Variants in CNOT10 observed in about 807,000 individuals in gnomAD.
CNOT10 encodes the protein CCR4-NOT transcription complex, subunit 10.
In CNOT10, 30 loss-of-function variants were observed where a neutral mutation model predicts 94.6. That is an observed-to-expected ratio of 0.32 (90% CI 0.24 to 0.43). The LOEUF (loss-of-function observed/expected upper bound fraction) is 0.43. Ranked by LOEUF, CNOT10 falls within the 20% of genes least tolerant of loss-of-function variation. The probability of loss-of-function intolerance (pLI) is 1.00; values close to 1 mark genes in which losing one functional copy is unlikely to be tolerated. For missense variants in CNOT10, 759 were observed against 877.2 expected (o/e 0.87, Z 1.70); for synonymous variants, 289 against 301.6 (o/e 0.96, Z 0.43).
intron 13 of CNOT10, among the ~76,000 whole-genome samples, chr3:32,737,994 G>A (rs543261604): frequency 9.2e-5 from 14 of 152,184 alleles, no homozygotes; most frequent in South Asian, 6.2e-4. Context: ...TTCTATATCC[G>A]TGAGGAAGAT....
chr3:32,695,509 A>C (rs1697007036), intron 1 of CNOT10: 1 of 1,424,396 alleles, frequency 7.0e-7, no homozygotes, highest in African/African-American at 1.4e-5. Flanking sequence ...TTGAATGATT[A>C]ACATTCTGTA....
rs1698278671 is a variant in CNOT10, at chr3:32,719,557, T to G, written c.745-557T>G. The stretch of plus-strand genomic sequence containing the variant: ...CCACCAGGAGGATTCTTAGGAGAAG[T>G]GAAAGGTGATCTACCATTCAAAACG... On this transcript the variant is annotated intron_variant, in intron 7 of 18. Coordinates refer to ENST00000328834, the MANE Select transcript of CNOT10 (RefSeq NM_015442.3). 3.9e-5 allele frequency among the ~76,000 whole-genome samples: 6 copies of G among 152,184 alleles called. No individual in the cohort carries two copies. The South Asian group carries it at 1.2e-3, about 32-fold the overall frequency.
Position 32,764,976 on chromosome 3 carries a change from T to G in CNOT10, c.2004+167T>G. ...TGCAAGGTAAACAACTAATCAGCAT[T>G]GTAAATGAACCTAGACACTTAAAGG... On this transcript the variant is annotated intron_variant, in intron 17 of 18. Transcript: ENST00000328834. 5.9e-6 allele frequency: 9 copies of G among 1,518,852 alleles called. No individual in the cohort carries two copies. In the South Asian group the frequency reaches 1.1e-4, roughly 19 times the overall value. 94.1% of individuals were successfully genotyped at this position (1,518,852 alleles called of 1,614,324 possible).
chr3:32,721,726 A>C (rs1698423171), intron 8 of CNOT10, among the ~76,000 whole-genome samples: 1 of 148,836 alleles, frequency 6.7e-6, no homozygotes, highest in African/African-American at 2.5e-5. Context: ...GGCTCACTGC[A>C]AGCTCTGCCT....
chr3:32,709,901 C>A (rs1697801954), intron 4 of CNOT10, among the ~76,000 whole-genome samples: 1 of 152,032 alleles, frequency 6.6e-6, no homozygotes, highest in Non-Finnish European at 1.5e-5. Flanking sequence ...AATCCCAGCA[C>A]TTTGGGAGGT....
intron 9 of CNOT10, among the ~76,000 whole-genome samples, chr3:32,726,985 TAC>T (rs1382682629): frequency 6.6e-6 from 1 of 151,660 alleles, no homozygotes; most frequent in Non-Finnish European, 1.5e-5. Flanking sequence ...TAGCTGGGAC[TAC>T]AGGCACATGC....
intron 13 of CNOT10, among the ~76,000 whole-genome samples, chr3:32,757,560 G>C (rs1346208667): frequency 6.6e-6 from 1 of 152,112 alleles, no homozygotes; most frequent in Non-Finnish European, 1.5e-5. Context: ...CTGATATGTT[G>C]TAGTTACTCA....
chr3:32,715,057 A>G (rs1698058578), intron 5 of CNOT10, among the ~76,000 whole-genome samples: 2 of 152,314 alleles, frequency 1.3e-5, no homozygotes, highest in East Asian at 1.9e-4. Flanking sequence ...TATATTCAGT[A>G]CTTGTAAAAT....
chr3:32,710,959 C>T (rs1697859546), intron 4 of CNOT10, among the ~76,000 whole-genome samples: 1 of 152,130 alleles, frequency 6.6e-6, no homozygotes, highest in Non-Finnish European at 1.5e-5. Flanking sequence ...TGGGCTCAAG[C>T]CCAGCACCTT....
chr3:32,765,210 C>T (rs1216899489), intron 17 of CNOT10: 7 of 298,874 alleles, frequency 2.3e-5, no homozygotes, highest in South Asian at 2.8e-5. Flanking sequence ...CCCAGCTACT[C>T]GGGAGGCTGA....
At chr3:32,713,424 C>CT in intron 5 of CNOT10, 55 bp downstream of exon 5, 1 of 1,386,940 alleles carries the variant, frequency 7.2e-7, no homozygotes. Flanking sequence ...ATTCTCTCTA[C>CT]TTGTTGGTTT....
At chr3:32,747,920 C>A (rs900336042) in intron 13 of CNOT10, among the ~76,000 whole-genome samples, 2 of 152,156 alleles carry the variant, frequency 1.3e-5, no homozygotes, top group African/African-American at 4.8e-5. Context: ...TGCACTCCAG[C>A]CCAGCGACAG....
chr3:32,753,738 A>C, intron 13 of CNOT10: 6 of 1,600,082 alleles, frequency 3.7e-6, no homozygotes, highest in African/African-American at 1.3e-5. Context: ...CTTTAAACAG[A>C]TTATTTCAGC....
intron 1 of CNOT10, among the ~76,000 whole-genome samples, chr3:32,698,045 G>C (rs543601830): frequency 7.0e-4 from 106 of 152,258 alleles, no homozygotes; most frequent in Middle Eastern, 3.4e-3. Context: ...ATTTTTACAC[G>C]TTTTAAAATA....
chr3:32,737,517 G>C (rs1014143458), intron 13 of CNOT10, 27 bp downstream of exon 13: 12 of 1,398,452 alleles, frequency 8.6e-6, no homozygotes, highest in Admixed American at 3.4e-5. Flanking sequence ...AATTAGCATT[G>C]CATCTATTGA....
At chr3:32,721,429 C>CTTTTTTTTTTTTTTT (rs58351356) in intron 8 of CNOT10, among the ~76,000 whole-genome samples, 7 of 72,594 alleles carry the variant, frequency 9.6e-5, no homozygotes, top group Non-Finnish European at 1.4e-4. Context: ...TTTCTTTCAT[C>CTTTTTTTTTTTTTTT]TTTTTTTTTT....
intron 1 of CNOT10, among the ~76,000 whole-genome samples, chr3:32,692,565 A>G (rs571108331): frequency 7.2e-5 from 11 of 152,290 alleles, no homozygotes; most frequent in Middle Eastern, 3.4e-3. Context: ...GATCAATTTG[A>G]GGTGCTGACA....
chr3:32,720,633 T>C (rs1316713625), intron 8 of CNOT10, among the ~76,000 whole-genome samples: 1 of 151,750 alleles, frequency 6.6e-6, no homozygotes, highest in African/African-American at 2.4e-5. Context: ...GCTGGGACTA[T>C]AGGCATGCAC....
chr3:32,772,722 T>C (rs1212571832), intron 18 of CNOT10, among the ~76,000 whole-genome samples: 10 of 152,160 alleles, frequency 6.6e-5, no homozygotes, highest in Admixed American at 5.9e-4. Context: ...TTCTAAGGCA[T>C]AACTCCTTGT....
Sources: allele counts gnomAD v4.1 joint callset (sites outside exome capture counted in the v4.1 genomes callset), GRCh38; gene constraint gnomAD v4.1.1; transcripts MANE v1.5; gene names NCBI Gene and HGNC (gene_info 2026-07-23, HGNC 2026-07-21).